Variants in FBXL17 observed in about 807,000 individuals in gnomAD.
FBXL17 encodes the protein F-box/LRR-repeat protein 17.
Under a neutral mutation model 66.2 loss-of-function variants are expected in FBXL17, and 22 were observed. That is an observed-to-expected ratio of 0.33 (90% CI 0.24 to 0.47). FBXL17 has a LOEUF of 0.47. FBXL17 is among the 20% of genes least tolerant of loss of function. The pLI, the probability that FBXL17 is intolerant of heterozygous loss-of-function variation, is 1.00. For missense variants in FBXL17, 878 were observed against 948.2 expected (o/e 0.93, Z 0.97); for synonymous variants, 474 against 400.5 (o/e 1.18, Z -2.19).
intron 6 of FBXL17, among the ~76,000 whole-genome samples, chr5:108,055,299 A>C (rs1747649694): frequency 5.6e-5 from 2 of 35,416 alleles, no homozygotes; most frequent in African/African-American, 2.1e-4. Flanking sequence ...AAAAAAAAAA[A>C]AAAAAAAAAA....
chr5:108,067,901 T>A (rs1477961518), intron 6 of FBXL17, among the ~76,000 whole-genome samples: 1 of 152,230 alleles, frequency 6.6e-6, no homozygotes, highest in Non-Finnish European at 1.5e-5. Flanking sequence ...GCTAAGCACA[T>A]CATTCTGAAA....
At chr5:108,226,002 C>T (rs73778696) in intron 4 of FBXL17, among the ~76,000 whole-genome samples, 7,498 of 152,158 alleles carry the variant, frequency 0.049, 623 homozygotes, top group African/African-American at 0.17. Flanking sequence ...TCTTTTCCGT[C>T]TTACTTCATT....
At chr5:108,224,510 T>TGC (rs1455773474) in intron 4 of FBXL17, among the ~76,000 whole-genome samples, 8 of 146,758 alleles carry the variant, frequency 5.5e-5, no homozygotes, top group Non-Finnish European at 1.0e-4. Context: ...TCTGTGTGTG[T>TGC]ATATATATGT....
intron 5 of FBXL17, among the ~76,000 whole-genome samples, chr5:108,217,060 T>C (rs925456648): frequency 5.3e-5 from 8 of 152,148 alleles, no homozygotes; most frequent in African/African-American, 1.9e-4. Context: ...CTGGCCTCTA[T>C]GAATCATCAC....
intron 6 of FBXL17, among the ~76,000 whole-genome samples, chr5:108,184,747 CAA>C (rs34512714): frequency 4.8e-5 from 4 of 82,602 alleles, no homozygotes; most frequent in Admixed American, 1.5e-4. Context: ...GACTCGGTCT[CAA>C]AAAAAAAAAA....
intron 8 of FBXL17, among the ~76,000 whole-genome samples, chr5:107,865,988 T>C (rs1416164922): frequency 1.3e-5 from 2 of 152,186 alleles, no homozygotes; most frequent in African/African-American, 4.8e-5. Context: ...CCTGCAGATA[T>C]TTTGTCATGC....
intron 6 of FBXL17, among the ~76,000 whole-genome samples, chr5:108,135,397 A>C (rs1251659750): frequency 6.6e-6 from 1 of 152,268 alleles, no homozygotes; most frequent in African/African-American, 2.4e-5. Context: ...CCTTACATGT[A>C]AAAGGGTAAG....
At chr5:108,269,862 T>A (rs1259283089) in intron 4 of FBXL17, among the ~76,000 whole-genome samples, 1 of 152,118 alleles carries the variant, frequency 6.6e-6, no homozygotes, top group Non-Finnish European at 1.5e-5. Flanking sequence ...CAAGTTACTT[T>A]ACTACTTGAA....
chr5:108,191,736 C>T (rs537250569), intron 5 of FBXL17, among the ~76,000 whole-genome samples: 3 of 152,280 alleles, frequency 2.0e-5, no homozygotes, highest in African/African-American at 7.2e-5. Context: ...GACTAGATGA[C>T]GGATGACACT....
intron 4 of FBXL17, among the ~76,000 whole-genome samples, chr5:108,267,404 A>G (rs976656846): frequency 6.6e-6 from 1 of 152,062 alleles, no homozygotes; most frequent in African/African-American, 2.4e-5. Context: ...GACATTAACA[A>G]ATTTAGGTGG....
At chr5:108,181,018 T>G (rs1752979789) in intron 6 of FBXL17, among the ~76,000 whole-genome samples, 1 of 152,168 alleles carries the variant, frequency 6.6e-6, no homozygotes, top group East Asian at 1.9e-4. Context: ...TAAAGATCTA[T>G]TAAAATCAAT....
intron 3 of FBXL17, among the ~76,000 whole-genome samples, chr5:108,357,334 T>C (rs921482022): frequency 6.6e-6 from 1 of 152,032 alleles, no homozygotes; most frequent in African/African-American, 2.4e-5. Context: ...AGTGTCAGAA[T>C]ATGTGAAGCA....
intron 8 of FBXL17, among the ~76,000 whole-genome samples, chr5:107,874,515 T>A (rs1307463011): frequency 6.6e-6 from 1 of 152,202 alleles, no homozygotes; most frequent in Non-Finnish European, 1.5e-5. Flanking sequence ...AATTTGAGGC[T>A]TTTAGAGATT....
chr5:107,997,059 G>C (rs187352610), intron 7 of FBXL17, among the ~76,000 whole-genome samples: 3 of 152,278 alleles, frequency 2.0e-5, no homozygotes, highest in Admixed American at 2.0e-4. Context: ...TGGTCCCTTT[G>C]CACCATGCCC....
At chr5:108,348,690 A>G (rs538359708) in intron 3 of FBXL17, among the ~76,000 whole-genome samples, 160 bp from the exon 4 acceptor site, 52 of 152,364 alleles carry the variant, frequency 3.4e-4, no homozygotes, top group African/African-American at 1.3e-3. Flanking sequence ...AACTTAAAAC[A>G]GTACTGTATA....
chr5:108,183,879 G>C (rs1425987763), intron 6 of FBXL17, among the ~76,000 whole-genome samples: 1 of 152,012 alleles, frequency 6.6e-6, no homozygotes, highest in African/African-American at 2.4e-5. Flanking sequence ...ATTTTCTTTA[G>C]ATATTGATAT....
At chr5:107,959,856 T>C (rs368864743) in intron 7 of FBXL17, among the ~76,000 whole-genome samples, 5 of 152,190 alleles carry the variant, frequency 3.3e-5, no homozygotes, top group African/African-American at 1.2e-4. Context: ...TAACATAGTC[T>C]CACAAAGGCA....
intron 3 of FBXL17, among the ~76,000 whole-genome samples, chr5:108,357,149 TA>T (rs1467938774): frequency 6.6e-6 from 1 of 152,018 alleles, no homozygotes; most frequent in Non-Finnish European, 1.5e-5. Flanking sequence ...CAGAAATGTT[TA>T]AGAAGAATTA....
chr5:107,996,959 T>C lies in FBXL17; in HGVS notation c.1822+23966A>G, dbSNP rs187106210. Among the ~76,000 whole-genome samples the C allele has an allele frequency of 3.3e-5, 5 of 152,316 alleles. No individual in the cohort carries two copies. The East Asian group carries it at 7.7e-4, about 24-fold the overall frequency. The stretch of plus-strand genomic sequence containing the variant: ...CTCTTCGCATGTTGCCTGTGACAGA[T>C]GCAGATGTAAAATATTAGAGGGAAG... On this transcript the variant is annotated intron_variant, in intron 7 of 8. Transcript: ENST00000542267.
Sources: gnomAD v4.1 joint callset for allele counts (sites outside exome capture counted in the v4.1 genomes callset) on GRCh38, gnomAD v4.1.1 for gene constraint, MANE v1.5 for transcripts, NCBI Gene and HGNC (gene_info 2026-07-23, HGNC 2026-07-21) for gene names.